The following DOCK9 variants were observed in gnomAD, a reference collection of about 807,000 sequenced individuals.
The protein encoded by DOCK9 is dedicator of cytokinesis 9, also known as dedicator of cytokinesis protein 9.
DOCK9 carries 89 observed loss-of-function variants against 263.3 expected under a neutral mutation model. The observed-to-expected ratio is 0.34, with a 90% CI of 0.28 to 0.40. The LOEUF is 0.40. Among genes scored for constraint, DOCK9 ranks in the 10% least tolerant of loss-of-function variants. DOCK9 has a pLI of 1.00. For missense variants in DOCK9, 2,140 were observed against 2,603.4 expected, an observed-to-expected ratio of 0.82 and a Z score of 3.87; for synonymous variants, 976 against 973.1, an observed-to-expected ratio of 1.00 and a Z score of -0.06.
At chr13:98,797,624 C>T in intron 50 of DOCK9, 135 bp from the exon 51 acceptor site, 1 of 719,088 alleles carries the variant, frequency 1.4e-6, no homozygotes, top group Non-Finnish European at 2.3e-6. Context: ...GGAACTTAAG[C>T]CCAAAAAGAA....
intron 1 of DOCK9, among the ~76,000 whole-genome samples, chr13:99,058,204 A>T (rs2041016760): frequency 1.3e-5 from 2 of 148,378 alleles, no homozygotes; most frequent in African/African-American, 5.0e-5. Context: ...TCACTCTGTC[A>T]CCCAGGCTGG....
chr13:99,064,267 G>C (rs1176233061), intron 1 of DOCK9, among the ~76,000 whole-genome samples: 2 of 152,202 alleles, frequency 1.3e-5, no homozygotes, highest in Non-Finnish European at 2.9e-5. Context: ...TAATGAAACA[G>C]AGAGAAGGGT....
intron 18 of DOCK9, among the ~76,000 whole-genome samples, chr13:98,887,141 A>ATTTTTTTTTTTT (rs1335567169): frequency 6.7e-5 from 4 of 59,638 alleles, no homozygotes; most frequent in South Asian, 7.1e-4. Flanking sequence ...ATATATATAT[A>ATTTTTTTTTTTT]TATTTTTTTT....
At chr13:98,864,235 C>G (rs575014983) in intron 30 of DOCK9, among the ~76,000 whole-genome samples, 1 of 152,166 alleles carries the variant, frequency 6.6e-6, no homozygotes, top group Non-Finnish European at 1.5e-5. Context: ...AAGCATCAAA[C>G]CAAACTGGTA....
chr13:98,984,192 G>A (rs1877916036), intron 1 of DOCK9, among the ~76,000 whole-genome samples: 1 of 152,218 alleles, frequency 6.6e-6, no homozygotes, highest in Non-Finnish European at 1.5e-5. Flanking sequence ...GAGCTAGAGA[G>A]CCAACCAAAG....
intron 1 of DOCK9, among the ~76,000 whole-genome samples, chr13:99,000,383 G>A (rs1007689604): frequency 5.3e-5 from 8 of 152,178 alleles, no homozygotes; most frequent in African/African-American, 1.7e-4. Context: ...ATCTGCTGAT[G>A]TTTTCAGCTC....
rs570826649 is a variant in DOCK9 at position 98,868,106 on chromosome 13, T to C, written c.3091-95A>G. Reference sequence around the variant, plus strand: ...ATTTATTGCTAATAAGTTTATCCACTGACATAAAAAACATGCCATCAACAT... The same window carrying C: ...ATTTATTGCTAATAAGTTTATCCACCGACATAAAAAACATGCCATCAACAT... On this transcript the variant is annotated intron_variant, in intron 28 of 52. Transcript: ENST00000682017. 6 of 1,530,742 alleles carry C rather than the reference T, an allele frequency of 3.9e-6. No homozygotes were observed. The South Asian group carries it at 5.8e-5, about 15-fold the overall frequency. 94.8% of individuals were successfully genotyped at this position (1,530,742 alleles called of 1,614,324 possible).
intron 1 of DOCK9, among the ~76,000 whole-genome samples, chr13:99,039,612 T>C (rs748545961): frequency 1.6e-4 from 24 of 152,198 alleles, no homozygotes; most frequent in Non-Finnish European, 3.4e-4. Flanking sequence ...TGCTAGGTGG[T>C]ATAAATATAG....
intron 2 of DOCK9, among the ~76,000 whole-genome samples, chr13:98,938,600 CGTT>C (rs1406104901): frequency 6.6e-6 from 1 of 152,088 alleles, no homozygotes; most frequent in Non-Finnish European, 1.5e-5. Flanking sequence ...TGGAAAGAAT[CGTT>C]GGGTAAAAGG....
chr13:99,062,230 T>C (rs1566374079), intron 1 of DOCK9, among the ~76,000 whole-genome samples: 1 of 152,232 alleles, frequency 6.6e-6, no homozygotes, highest in Non-Finnish European at 1.5e-5. Context: ...ACAAGCCAAC[T>C]TCTTATAAAT....
rs569471239 is a variant in DOCK9 at position 98,946,035 on chromosome 13, G to A, written c.243+9400C>T. Among the ~76,000 whole-genome samples, 9 of 152,294 alleles carry A rather than the reference G, an allele frequency of 5.9e-5. No individual in the cohort carries two copies. In the East Asian group the frequency reaches 1.5e-3, roughly 26 times the overall value. On this transcript the variant is annotated intron_variant, in intron 2 of 52. Coordinates refer to ENST00000682017, the MANE Select transcript of DOCK9 (RefSeq NM_001366683.2). ...AGGGACAGGATAGGTCCCAAGCCTC[G>A]CGGGGGAGACAGGAGCCCAAAGAGG...
At chr13:99,018,208 A>T (rs1885660981) in intron 1 of DOCK9, among the ~76,000 whole-genome samples, 1 of 152,198 alleles carries the variant, frequency 6.6e-6, no homozygotes, top group African/African-American at 2.4e-5. Flanking sequence ...CAGTGCTGGG[A>T]AGTGGGACCT....
intron 33 of DOCK9, chr13:98,859,357 A>G (rs1267055428): frequency 2.6e-5 from 4 of 152,238 alleles, no homozygotes; most frequent in Non-Finnish European, 4.4e-5. Context: ...TAAGGAGAGC[A>G]TAACTGTGAA....
At position 98,826,828 on chromosome 13, in the gene DOCK9, A is replaced by G; in HGVS notation, c.5023+2T>C. ...TCACAAAACATGAGAATAATTCCTT[A>G]CCTTTCCGTGTGAGATATTCTGCCA... On this transcript the variant is annotated splice_donor_variant, in intron 44 of 52. Transcript: ENST00000682017. LOFTEE classifies it high-confidence loss of function. 1 of 1,605,450 alleles carries G rather than the reference A, an allele frequency of 6.2e-7. No individual in the cohort carries two copies. The highest frequency in any genetic ancestry group is 8.5e-7 in the Non-Finnish European group (1 of 1,175,364).
At position 98,977,877 on chromosome 13, in the gene DOCK9, T is replaced by C. The variant is rs1567159595; in HGVS notation, c.33A>G (p.Arg11=). The C allele has an allele frequency of 6.2e-7, 1 of 1,600,436 alleles. No individual in the cohort carries two copies. Among genetic ancestry groups the C allele is most frequent in the Admixed American group, 1.7e-5 (1 of 58,014 alleles). Residue 11 remains arginine (R), a synonymous_variant, in exon 1 of 53, where the codon AGA becomes AGG. Transcript: ENST00000682017. Reference sequence around the variant, plus strand: ...CAATCACCAGTTCCTTTTTGACACTTCTACTACTTGTCCTGCATTTATCAG... The same window carrying C: ...CAATCACCAGTTCCTTTTTGACACTCCTACTACTTGTCCTGCATTTATCAG... MQADKCRTSS[R]SVKKELVIES... is the part of the protein sequence containing the mutation.
chr13:99,059,308 C>T (rs1396493344), intron 1 of DOCK9, among the ~76,000 whole-genome samples: 1 of 152,194 alleles, frequency 6.6e-6, no homozygotes, highest in Non-Finnish European at 1.5e-5. Flanking sequence ...CTCCACGGGT[C>T]CAGCTGTGGC....
intron 1 of DOCK9, among the ~76,000 whole-genome samples, chr13:98,959,744 C>T (rs2058433435): frequency 6.6e-6 from 1 of 152,012 alleles, no homozygotes; most frequent in Admixed American, 6.6e-5. Flanking sequence ...ATGGAGCCAC[C>T]CTGGGGAGGA....
At chr13:98,997,932 G>A (rs1234438179) in intron 1 of DOCK9, among the ~76,000 whole-genome samples, 1 of 152,198 alleles carries the variant, frequency 6.6e-6, no homozygotes, top group Non-Finnish European at 1.5e-5. Context: ...ATTCTCCTAA[G>A]TCCCCAGGAT....
At chr13:99,005,003 G>GGA (rs937610441) in intron 1 of DOCK9, among the ~76,000 whole-genome samples, 5 of 151,984 alleles carry the variant, frequency 3.3e-5, no homozygotes, top group Non-Finnish European at 7.4e-5. Flanking sequence ...GACTTTGTTT[G>GGA]GAAACTCTGC....
Sources: allele counts gnomAD v4.1 joint callset (sites outside exome capture counted in the v4.1 genomes callset), GRCh38; gene constraint gnomAD v4.1.1; transcripts MANE v1.5; gene names NCBI Gene and HGNC (gene_info 2026-07-23, HGNC 2026-07-21).